The following ABHD6 variants were observed in gnomAD, a reference collection of about 807,000 sequenced individuals.
ABHD6 encodes monoacylglycerol lipase ABHD6.
In ABHD6, 33 loss-of-function variants were observed where a neutral mutation model predicts 38.8. That is an observed-to-expected ratio of 0.85 (90% CI 0.64 to 1.14). The LOEUF (loss-of-function observed/expected upper bound fraction) is 1.14. Ranked by LOEUF, ABHD6 falls within the 50% of genes most tolerant of loss-of-function variation. The pLI, the probability that ABHD6 is intolerant of heterozygous loss-of-function variation, is 0.00. For missense variants in ABHD6, 380 were observed against 422.6 expected (o/e 0.90, Z 0.88); for synonymous variants, 147 against 161.6 (o/e 0.91, Z 0.69).
At position 58,257,376 on chromosome 3, in the gene ABHD6, T is replaced by C. The variant is rs1381481539; in HGVS notation, c.119+671T>C. Reference sequence around the variant, plus strand: ...GGTTTTTTGGGTTTTTGTTTGGTTTTTTTTTTGAAACAGTCTCCCTCTGTC... The same window carrying C: ...GGTTTTTTGGGTTTTTGTTTGGTTTCTTTTTTGAAACAGTCTCCCTCTGTC... On this transcript the variant is annotated intron_variant, in intron 3 of 9. Transcript: ENST00000478253. The surrounding 1 kb of genome is among the most constrained non-coding windows in gnomAD (Gnocchi z 4.8). Among the ~76,000 whole-genome samples, 1 of 66,962 alleles carries C rather than the reference T, an allele frequency of 1.5e-5. No homozygotes were observed. The highest frequency in any genetic ancestry group is 2.5e-5 in the Non-Finnish European group (1 of 40,396). The allele number at this position is 66,962 out of a possible 152,430, so 43.9% of individuals were successfully genotyped here. A position where few individuals can be genotyped will look rare whatever the true frequency, so the allele number is the denominator to read the frequency against.
chr3:58,290,838 G>A lies in ABHD6; in HGVS notation c.838-2751G>A, dbSNP rs58345994. Among the ~76,000 whole-genome samples the A allele has an allele frequency of 2.2e-4, 33 of 147,012 alleles. 1 individual carries two copies. Among genetic ancestry groups the A allele is most frequent in the Admixed American group, 8.1e-4 (12 of 14,866 alleles). Reference sequence around the variant, plus strand: ...GATGGGATGGCGGCCGGGAAGAGGCGCTCCTCACTTCCTAGATGGGATGGC... The same window carrying A: ...GATGGGATGGCGGCCGGGAAGAGGCACTCCTCACTTCCTAGATGGGATGGC... On this transcript the variant is annotated intron_variant, in intron 9 of 9. Coordinates refer to ENST00000478253, the MANE Select transcript of ABHD6 (RefSeq NM_001320126.2).
Position 58,266,279 on chromosome 3 carries a change from T to C in ABHD6, c.120-910T>C, listed in dbSNP as rs535104811. The stretch of plus-strand genomic sequence containing the variant: ...GCCTGGCCAACATGGCGAAACCCTG[T>C]CTCTACTAAAAATACAAAAATTAGG... On this transcript the variant is annotated intron_variant, in intron 3 of 9. Transcript: ENST00000478253. This position sits in a 1 kb window ranked among gnomAD's most constrained non-coding sequence, Gnocchi z 4.0. 6.6e-6 allele frequency among the ~76,000 whole-genome samples: 1 copy of C among 152,210 alleles called. No individual in the cohort carries two copies. Among genetic ancestry groups the C allele is most frequent in the Non-Finnish European group, 1.5e-5 (1 of 68,018 alleles).
chr3:58,243,406 G>A (rs1292903049), intron 1 of ABHD6, among the ~76,000 whole-genome samples: 1 of 152,178 alleles, frequency 6.6e-6, no homozygotes, highest in Non-Finnish European at 1.5e-5. Flanking sequence ...ACCAAATACT[G>A]TGGGGCATGG....
intron 9 of ABHD6, among the ~76,000 whole-genome samples, chr3:58,292,545 T>G (rs2097463989): frequency 6.6e-6 from 1 of 152,126 alleles, no homozygotes; most frequent in Admixed American, 6.6e-5. Flanking sequence ...CTGGCTTTCA[T>G]GTTGGAAAAG....
At chr3:58,271,141 G>A (rs551425961) in intron 6 of ABHD6, 77 bp downstream of exon 6, 10 of 1,456,574 alleles carry the variant, frequency 6.9e-6, no homozygotes, top group East Asian at 2.4e-5. Flanking sequence ...TGCTATGACC[G>A]TTTTTTGGAA....
chr3:58,289,197 G>A (rs1362904816), intron 9 of ABHD6, among the ~76,000 whole-genome samples: 1 of 151,788 alleles, frequency 6.6e-6, no homozygotes, highest in African/African-American at 2.4e-5. Flanking sequence ...TGGGACTACA[G>A]GCATGTGCCA....
rs1262039421 is a variant in ABHD6, at chr3:58,287,746, A to G, written c.837+2293A>G. Among the ~76,000 whole-genome samples, 1 of 152,222 alleles carries G rather than the reference A, an allele frequency of 6.6e-6. No individual in the cohort carries two copies. The highest frequency in any genetic ancestry group is 1.5e-5 in the Non-Finnish European group (1 of 68,026). ...ACCCATCTTCCTGTGGAGACAGCGC[A>G]GAAGCAAGGGCACTGGCCTTGGATT... On this transcript the variant is annotated intron_variant, in intron 9 of 9. Coordinates refer to ENST00000478253, the MANE Select transcript of ABHD6 (RefSeq NM_001320126.2). The surrounding 1 kb of genome is among the most constrained non-coding windows in gnomAD (Gnocchi z 4.7).
intron 1 of ABHD6, among the ~76,000 whole-genome samples, chr3:58,247,979 C>G (rs184867128): frequency 1.3e-5 from 2 of 152,356 alleles, no homozygotes; most frequent in African/African-American, 4.8e-5. Context: ...CCTGCAGTTT[C>G]CCTTCCCAGT....
chr3:58,280,895 C>G (rs1291131837), intron 7 of ABHD6, among the ~76,000 whole-genome samples: 1 of 152,198 alleles, frequency 6.6e-6, no homozygotes. Flanking sequence ...CCGCTCCAGA[C>G]CCTGTTTGCC....
chr3:58,272,042 G>T (rs1050476127), intron 6 of ABHD6, among the ~76,000 whole-genome samples: 4 of 152,066 alleles, frequency 2.6e-5, no homozygotes, highest in Non-Finnish European at 5.9e-5. Flanking sequence ...GGCCTCAAGT[G>T]ATCTGCCCGC....
Position 58,269,552 on chromosome 3 carries a change from C to G in ABHD6, c.390+118C>G. 1 of 778,458 alleles carries G rather than the reference C, an allele frequency of 1.3e-6. No homozygotes were observed. The highest frequency in any genetic ancestry group is 2.1e-6 in the Non-Finnish European group (1 of 470,062). The allele number at this position is 778,458 out of a possible 1,614,324, so 48.2% of individuals were successfully genotyped here. A position where few individuals can be genotyped will look rare whatever the true frequency, so the allele number is the denominator to read the frequency against. Reference sequence around the variant, plus strand: ...CCTCATGACCAGTCTCCTGTACATTCTGTCTACAAGTGATGGCAAGCCAAA... The same window carrying G: ...CCTCATGACCAGTCTCCTGTACATTGTGTCTACAAGTGATGGCAAGCCAAA... On this transcript the variant is annotated intron_variant, in intron 5 of 9. Coordinates refer to ENST00000478253, the MANE Select transcript of ABHD6 (RefSeq NM_001320126.2). The surrounding 1 kb of genome is among the most constrained non-coding windows in gnomAD (Gnocchi z 4.4).
At chr3:58,264,448 T>C (rs9861957) in intron 3 of ABHD6, among the ~76,000 whole-genome samples, 16 of 100,548 alleles carry the variant, frequency 1.6e-4, no homozygotes, top group African/African-American at 7.8e-4. Flanking sequence ...CACACACATA[T>C]GCCAGGTGCA....
Position 58,285,133 on chromosome 3 carries a change from C to T in ABHD6, c.730C>T (p.Arg244Ter), listed in dbSNP as rs766874130. 1.5e-5 allele frequency: 25 copies of T among 1,614,100 alleles called. No individual in the cohort carries two copies. The highest frequency in any genetic ancestry group is 2.2e-5 in the South Asian group (2 of 91,078). ...CCGCATCCCTCATAACAACTTCTAC[C>T]GAAAGTGTAAGTAGCCCTACTTTCA... ...DVRIPHNNFY[R>*]KLFLEIVSEK... Residue 244 changes from arginine (R) to a stop codon, truncating the protein, a stop_gained, in exon 8 of 10, where the codon CGA becomes TGA. Coordinates refer to ENST00000478253, the MANE Select transcript of ABHD6 (RefSeq NM_001320126.2). LOFTEE classifies it high-confidence loss of function. This position sits in a 1 kb window ranked among gnomAD's most constrained non-coding sequence, Gnocchi z 4.9.
At chr3:58,239,069 T>C (rs1424625333) in intron 1 of ABHD6, among the ~76,000 whole-genome samples, 1 of 151,992 alleles carries the variant, frequency 6.6e-6, no homozygotes. Context: ...AGGTGGTACC[T>C]TCCCAAGACA....
intron 7 of ABHD6, among the ~76,000 whole-genome samples, chr3:58,280,872 G>A (rs9824658): frequency 0.032 from 4,910 of 152,298 alleles, 269 homozygotes; most frequent in African/African-American, 0.11. Flanking sequence ...GTCTGTTGGA[G>A]TTTGCTGGAG....
chr3:58,280,449 T>G (rs148141988), intron 7 of ABHD6, among the ~76,000 whole-genome samples: 125 of 152,328 alleles, frequency 8.2e-4, no homozygotes, highest in African/African-American at 2.8e-3. Context: ...TCGGGTCATT[T>G]AAGGTCTTCT....
At chr3:58,254,441 G>A (rs578039545) in intron 2 of ABHD6, among the ~76,000 whole-genome samples, 1 of 152,354 alleles carries the variant, frequency 6.6e-6, no homozygotes, top group African/African-American at 2.4e-5. Context: ...GTGTCCCACA[G>A]TGCTAAAATC....
At chr3:58,264,195 A>G (rs1239529069) in intron 3 of ABHD6, among the ~76,000 whole-genome samples, 2 of 152,194 alleles carry the variant, frequency 1.3e-5, no homozygotes, top group Non-Finnish European at 2.9e-5. Context: ...TCTAATTTAA[A>G]CAACACATAA....
intron 9 of ABHD6, among the ~76,000 whole-genome samples, chr3:58,289,471 C>CA (rs1302542645): frequency 6.7e-6 from 1 of 149,678 alleles, no homozygotes; most frequent in Non-Finnish European, 1.5e-5. Flanking sequence ...ATCTGTTTAA[C>CA]AAAGCACATC....
Sources: allele counts gnomAD v4.1 joint callset (sites outside exome capture counted in the v4.1 genomes callset), GRCh38; gene constraint gnomAD v4.1.1; non-coding constraint Gnocchi (gnomAD v3.1); transcripts MANE v1.5; gene names NCBI Gene and HGNC (gene_info 2026-07-23, HGNC 2026-07-21).